Variants in SH2D4A observed in about 807,000 individuals in gnomAD.
SH2D4A encodes SH2 domain-containing protein 4A.
A neutral mutation model predicts 64.7 loss-of-function variants in SH2D4A; 70 were observed. The observed-to-expected ratio is 1.08, with a 90% CI of 0.89 to 1.32. SH2D4A has a LOEUF of 1.32. Ranked by LOEUF, SH2D4A falls within the 40% of genes most tolerant of loss-of-function variation. SH2D4A has a pLI of 0.00. For missense variants in SH2D4A, 706 were observed against 540.1 expected (o/e 1.31, Z -3.04); for synonymous variants, 268 against 200.7 (o/e 1.34, Z -2.83).
rs112822090 is a variant in SH2D4A, at chr8:19,395,845, A to G, written c.*1203A>G. 27 of 152,286 alleles carry G rather than the reference A, an allele frequency of 1.8e-4. No homozygotes were observed. The highest frequency in any genetic ancestry group is 5.8e-4 in the African/African-American group (24 of 41,530). The allele number at this position is 152,286 out of a possible 1,614,324, so 9.4% of individuals were successfully genotyped here. A position where few individuals can be genotyped will look rare whatever the true frequency, so the allele number is the denominator to read the frequency against. Reference sequence around the variant, plus strand: ...GCTGAGTTCATGCTGACTTGTTACTATAGCCCCAGAAAGCTAATACAGTCG... The same window carrying G: ...GCTGAGTTCATGCTGACTTGTTACTGTAGCCCCAGAAAGCTAATACAGTCG... On this transcript the variant is annotated 3_prime_UTR_variant, in exon 10 of 10. Transcript: ENST00000265807.
chr8:19,348,744 C>T (rs1447155847), intron 4 of SH2D4A, among the ~76,000 whole-genome samples: 1 of 152,218 alleles, frequency 6.6e-6, no homozygotes, highest in African/African-American at 2.4e-5. Flanking sequence ...ACTTGCGCTT[C>T]AGGTTAAGAG....
intron 4 of SH2D4A, among the ~76,000 whole-genome samples, chr8:19,346,518 T>A (rs1384937188): frequency 1.3e-5 from 2 of 152,214 alleles, no homozygotes; most frequent in African/African-American, 4.8e-5. Context: ...CATTATGAAT[T>A]ATGATGAGTA....
chr8:19,322,785 C>G (rs892009378), intron 2 of SH2D4A, among the ~76,000 whole-genome samples: 1 of 151,872 alleles, frequency 6.6e-6, no homozygotes, highest in Non-Finnish European at 1.5e-5. Flanking sequence ...ATTCTCCTGC[C>G]TCAGCCTCCT....
At chr8:19,339,140 T>C (rs2052488392) in intron 4 of SH2D4A, among the ~76,000 whole-genome samples, 1 of 152,188 alleles carries the variant, frequency 6.6e-6, no homozygotes, top group Non-Finnish European at 1.5e-5. Flanking sequence ...AGTTCGATGT[T>C]CGAGGTGAGG....
chr8:19,393,385 C>T lies in SH2D4A; in HGVS notation c.1116C>T (p.Ile372=). The change falls in exon 9 of 10, where the codon ATC becomes ATT. Residue 372 remains isoleucine, a synonymous_variant. Coordinates refer to ENST00000265807, the MANE Select transcript of SH2D4A (RefSeq NM_022071.4). ...LSTGMPGSFL[I]RVSERIKGYA... is the part of the protein sequence containing the mutation. ...CAGGCATGCCCGGCAGTTTTCTCAT[C>T]CGAGTCAGTGAAAGGATCAAAGGCT... 1 of 1,614,170 alleles carries T rather than the reference C, an allele frequency of 6.2e-7. No homozygotes were observed. Among genetic ancestry groups the T allele is most frequent in the Non-Finnish European group, 8.5e-7 (1 of 1,180,012 alleles).
intron 8 of SH2D4A, among the ~76,000 whole-genome samples, chr8:19,381,754 A>G (rs563633225): frequency 2.6e-5 from 4 of 152,346 alleles, no homozygotes; most frequent in South Asian, 2.1e-4. Context: ...GTCATTCAAC[A>G]TAAGTATGAT....
At position 19,374,703 on chromosome 8, in the gene SH2D4A, G is replaced by A. The variant is rs139740629; in HGVS notation, c.1048+1043G>A. ...TGTGTTCTTTGGTGATTCAGACTTT[G>A]TTAAGTATCCATCTCAGAGGAGTCC... On this transcript the variant is annotated intron_variant, in intron 8 of 9. Transcript: ENST00000265807. Among the ~76,000 whole-genome samples the A allele has an allele frequency of 1.9e-4, 29 of 152,260 alleles. No homozygotes were observed. In the East Asian group the frequency reaches 5.2e-3, roughly 27 times the overall value.
chr8:19,324,458 T>C (rs1766873220), intron 2 of SH2D4A, among the ~76,000 whole-genome samples: 1 of 152,302 alleles, frequency 6.6e-6, no homozygotes, highest in Middle Eastern at 3.4e-3. Context: ...AGTGTTTGCC[T>C]CCCTGTCTTT....
At chr8:19,323,993 CAAAT>C (rs1257628221) in intron 2 of SH2D4A, among the ~76,000 whole-genome samples, 4 of 152,244 alleles carry the variant, frequency 2.6e-5, no homozygotes, top group African/African-American at 9.6e-5. Flanking sequence ...GCACTGTAAA[CAAAT>C]AAACTACACG....
chr8:19,394,731 A>G lies in SH2D4A; in HGVS notation c.*89A>G. On this transcript the variant is annotated 3_prime_UTR_variant, in exon 10 of 10. Coordinates refer to ENST00000265807, the MANE Select transcript of SH2D4A (RefSeq NM_022071.4). ...AACATTTATGTGTGAAGCCAAAATC[A>G]CCCTGCAGCAGAGCCAATACTGATC... 1 of 943,188 alleles carries G rather than the reference A, an allele frequency of 1.1e-6. No individual in the cohort carries two copies. Among genetic ancestry groups the G allele is most frequent in the Non-Finnish European group, 1.6e-6 (1 of 641,626 alleles). The allele number at this position is 943,188 out of a possible 1,614,324, so 58.4% of individuals were successfully genotyped here.
At chr8:19,391,000 G>T (rs2053483724) in intron 8 of SH2D4A, among the ~76,000 whole-genome samples, 1 of 152,100 alleles carries the variant, frequency 6.6e-6, no homozygotes, top group Non-Finnish European at 1.5e-5. Flanking sequence ...AAACAGCCTG[G>T]AATTTCATAG....
At chr8:19,327,890 C>T (rs942886116) in intron 2 of SH2D4A, among the ~76,000 whole-genome samples, 1 of 152,180 alleles carries the variant, frequency 6.6e-6, no homozygotes, top group Admixed American at 6.5e-5. Flanking sequence ...CTGGCGTCCC[C>T]AGAATGAGTC....
At chr8:19,380,730 A>G (rs60077049) in intron 8 of SH2D4A, among the ~76,000 whole-genome samples, 48,694 of 152,108 alleles carry the variant, frequency 0.32, 8,393 homozygotes, top group Non-Finnish European at 0.4. Context: ...CTATTGGTCT[A>G]TAAGTCTGTC....
chr8:19,314,582 C>G (rs1015300803), intron 1 of SH2D4A, among the ~76,000 whole-genome samples: 8 of 152,346 alleles, frequency 5.3e-5, no homozygotes, highest in Non-Finnish European at 1.2e-4. Context: ...TGAGTTGTCT[C>G]TCCCTTCCCA....
chr8:19,381,208 C>A (rs1365141267), intron 8 of SH2D4A, among the ~76,000 whole-genome samples: 7 of 152,042 alleles, frequency 4.6e-5, no homozygotes, highest in Non-Finnish European at 7.4e-5. Context: ...CACCACCATG[C>A]CTGGCTAATT....
chr8:19,321,306 C>T (rs1247915880), intron 2 of SH2D4A, among the ~76,000 whole-genome samples: 4 of 152,136 alleles, frequency 2.6e-5, no homozygotes, highest in Non-Finnish European at 5.9e-5. Context: ...CTTCGTCTCC[C>T]GGGTTCAAGC....
chr8:19,326,523 C>T (rs1271532357), intron 2 of SH2D4A, among the ~76,000 whole-genome samples: 1 of 152,192 alleles, frequency 6.6e-6, no homozygotes, highest in Non-Finnish European at 1.5e-5. Context: ...GTCCCCTCTA[C>T]CTCATAGGAG....
At chr8:19,374,040 G>A (rs1186130618) in intron 8 of SH2D4A, among the ~76,000 whole-genome samples, 6 of 152,192 alleles carry the variant, frequency 3.9e-5, no homozygotes, top group Non-Finnish European at 8.8e-5. Context: ...GTGCTGGACA[G>A]GACACTGGCT....
At chr8:19,345,501 C>T (rs1178153440) in intron 4 of SH2D4A, among the ~76,000 whole-genome samples, 1 of 152,210 alleles carries the variant, frequency 6.6e-6, no homozygotes, top group Non-Finnish European at 1.5e-5. Context: ...GATAGGCAAA[C>T]ACAGTGGTAT....
Sources: gnomAD v4.1 joint callset for allele counts (sites outside exome capture counted in the v4.1 genomes callset) on GRCh38, gnomAD v4.1.1 for gene constraint, MANE v1.5 for transcripts, NCBI Gene and HGNC (gene_info 2026-07-23, HGNC 2026-07-21) for gene names.